NCALD: variants seen among roughly 807,000 people sequenced by gnomAD.
NCALD encodes neurocalcin delta.
A neutral mutation model predicts 18.6 loss-of-function variants in NCALD; 10 were observed. The ratio of observed to expected loss-of-function variants is 0.54; its 90% CI spans 0.33 to 0.91. The LOEUF is 0.91. Among genes scored for constraint, NCALD ranks in the 40% least tolerant of loss-of-function variants. NCALD has a pLI of 0.03. For synonymous variants in NCALD, 88 were observed against 87.4 expected (o/e 1.01, Z -0.04); for missense variants, 184 against 247.6 (o/e 0.74, Z 1.72).
Position 101,957,289 on chromosome 8 carries a change from G to T in NCALD, c.-156-41431C>A, listed in dbSNP as rs867748708. 2.6e-3 allele frequency among the ~76,000 whole-genome samples: 262 copies of T among 99,512 alleles called. 1 individual carries two copies. The highest frequency in any genetic ancestry group is 7.1e-3 in the Middle Eastern group (1 of 140). 65.3% of individuals were successfully genotyped at this position (99,512 alleles called of 152,430 possible). ...ATGGGTAGTAAAAAGAAAAGTTGGG[G>T]TTTTTTTTTTTTTTTTTTTTTTTTT... On this transcript the variant is annotated intron_variant, in intron 2 of 6. Coordinates refer to the NCALD transcript ENST00000311028.
At chr8:101,832,082 G>A (rs1814213148) in intron 4 of NCALD, among the ~76,000 whole-genome samples, 1 of 152,224 alleles carries the variant, frequency 6.6e-6, no homozygotes, top group Admixed American at 6.5e-5. Context: ...AGAGAAGACA[G>A]TAAGGAATGA....
At chr8:101,910,256 T>C (rs1817745435) in intron 3 of NCALD, among the ~76,000 whole-genome samples, 1 of 151,850 alleles carries the variant, frequency 6.6e-6, no homozygotes, top group Non-Finnish European at 1.5e-5. Flanking sequence ...CCCTGAGCAC[T>C]GGGCAGGGCA....
chr8:101,789,056 T>A (rs997719998), intron 1 of NCALD: 2 of 152,160 alleles, frequency 1.3e-5, no homozygotes, highest in African/African-American at 4.8e-5. Context: ...TTGAATACAA[T>A]TATTATAAGA....
intron 1 of NCALD, among the ~76,000 whole-genome samples, chr8:101,772,695 T>G (rs1811633943): frequency 6.6e-6 from 1 of 152,344 alleles, no homozygotes; most frequent in East Asian, 1.9e-4. Context: ...GTTCTCATTC[T>G]TTGGTCCAAG....
At chr8:102,019,929 T>A (rs1822215484) in intron 2 of NCALD, among the ~76,000 whole-genome samples, 1 of 152,282 alleles carries the variant, frequency 6.6e-6, no homozygotes, top group East Asian at 1.9e-4. Context: ...AAGGTGATAA[T>A]GAATATTTTA....
intron 2 of NCALD, among the ~76,000 whole-genome samples, chr8:101,967,564 T>C (rs545993625): frequency 1.3e-5 from 2 of 152,266 alleles, no homozygotes; most frequent in Admixed American, 1.3e-4. Context: ...AAGTGTCCCA[T>C]ACTCTGCCAC....
At chr8:101,820,136 T>C (rs548578058) in intron 4 of NCALD, among the ~76,000 whole-genome samples, 1 of 152,384 alleles carries the variant, frequency 6.6e-6, no homozygotes, top group African/African-American at 2.4e-5. Flanking sequence ...CAGAGTTGGC[T>C]GTCTGGAAGA....
chr8:102,001,735 G>C (rs1219718900), intron 2 of NCALD, among the ~76,000 whole-genome samples: 2 of 152,174 alleles, frequency 1.3e-5, no homozygotes, highest in African/African-American at 2.4e-5. Flanking sequence ...CATTCTTAAA[G>C]AAAAGAATTT....
intron 4 of NCALD, among the ~76,000 whole-genome samples, chr8:101,798,141 C>A (rs1047034641): frequency 1.3e-5 from 2 of 152,036 alleles, no homozygotes; most frequent in South Asian, 2.1e-4. Context: ...CAACAGCATG[C>A]CAAAAGTTCT....
intron 2 of NCALD, among the ~76,000 whole-genome samples, chr8:101,972,663 C>A (rs1046458417): frequency 6.6e-6 from 1 of 152,156 alleles, no homozygotes; most frequent in Non-Finnish European, 1.5e-5. Context: ...TTACTTTTTC[C>A]CAACCTAAAT....
At position 102,001,144 on chromosome 8, in the gene NCALD, T is replaced by A. The variant is rs998075597; in HGVS notation, c.-157+19093A>T. Among the ~76,000 whole-genome samples the A allele has an allele frequency of 2.6e-5, 4 of 152,078 alleles. No homozygotes were observed. The East Asian group carries it at 7.7e-4, about 29-fold the overall frequency. On this transcript the variant is annotated intron_variant, in intron 2 of 6. Transcript: ENST00000311028. ...AAACCTTGAAAAAAGATTAGATGAA[T>A]GGCTAACTAGAATAACCAATGCAGA...
chr8:101,986,883 C>G (rs915136549), intron 2 of NCALD, among the ~76,000 whole-genome samples: 2 of 134,156 alleles, frequency 1.5e-5, no homozygotes, highest in African/African-American at 5.8e-5. Context: ...TTGAGCCAGC[C>G]AGCTGGGGTT....
At chr8:101,731,476 G>A (rs1586334256) in intron 1 of NCALD, among the ~76,000 whole-genome samples, 1 of 152,050 alleles carries the variant, frequency 6.6e-6, no homozygotes, top group East Asian at 1.9e-4. Context: ...TACCCCCTAA[G>A]ATGAGAATTA....
intron 2 of NCALD, among the ~76,000 whole-genome samples, chr8:101,986,832 T>C (rs1820831116): frequency 6.6e-6 from 1 of 152,280 alleles, no homozygotes; most frequent in South Asian, 2.1e-4. Context: ...CACCCAGTGC[T>C]TAATCTTAAG....
chr8:101,912,896 G>A (rs981959172), intron 3 of NCALD, among the ~76,000 whole-genome samples: 4 of 152,232 alleles, frequency 2.6e-5, no homozygotes, highest in African/African-American at 4.8e-5. Flanking sequence ...TCCTGCAGAC[G>A]TTGAAGGCAT....
At chr8:102,119,614 A>C (rs1050448802) in intron 1 of NCALD, among the ~76,000 whole-genome samples, 4 of 152,238 alleles carry the variant, frequency 2.6e-5, no homozygotes, top group Non-Finnish European at 1.5e-5. Flanking sequence ...GTTGTATTCA[A>C]GAAATATTTA....
chr8:101,927,377 C>G (rs1027948720), intron 2 of NCALD, among the ~76,000 whole-genome samples: 11 of 152,268 alleles, frequency 7.2e-5, no homozygotes, highest in South Asian at 2.1e-4. Flanking sequence ...ATACAACAAG[C>G]CTGCACTGTT....
At chr8:101,983,498 T>C (rs1771966917) in intron 2 of NCALD, among the ~76,000 whole-genome samples, 1 of 152,198 alleles carries the variant, frequency 6.6e-6, no homozygotes, top group African/African-American at 2.4e-5. Flanking sequence ...CTTTTCTTAG[T>C]AGAGAGAAAC....
At chr8:101,897,817 G>A (rs1817262393) in intron 3 of NCALD, among the ~76,000 whole-genome samples, 1 of 152,130 alleles carries the variant, frequency 6.6e-6, no homozygotes, top group Non-Finnish European at 1.5e-5. Flanking sequence ...ATCCTCACCA[G>A]CATTTGACAT....
Sources: allele counts gnomAD v4.1 joint callset (sites outside exome capture counted in the v4.1 genomes callset), GRCh38; gene constraint gnomAD v4.1.1; transcripts MANE v1.5; gene names NCBI Gene and HGNC (gene_info 2026-07-23, HGNC 2026-07-21).